SAMTOR: variants seen among roughly 807,000 people sequenced by gnomAD.
SAMTOR encodes the protein S-adenosylmethionine sensor upstream of mTORC1.
the SAMTOR span, among the ~76,000 whole-genome samples, chr7:112,888,527 A>G: frequency 6.6e-6 from 1 of 152,136 alleles, no homozygotes. Flanking sequence ...TCCAGTAATC[A>G]TGTTATACAC....
chr7:112,832,713 G>A, the SAMTOR span: 9 of 1,254,368 alleles, frequency 7.2e-6, no homozygotes, highest in African/African-American at 4.5e-5. Flanking sequence ...AATCAAATAT[G>A]AGAATGTAAG....
the SAMTOR span, among the ~76,000 whole-genome samples, chr7:112,895,267 C>T: frequency 2.0e-5 from 3 of 150,928 alleles, no homozygotes; most frequent in African/African-American, 7.3e-5. Context: ...CACATATAGC[C>T]ATAACATATA....
the SAMTOR span, among the ~76,000 whole-genome samples, chr7:112,834,297 C>G: frequency 6.6e-6 from 1 of 151,930 alleles, no homozygotes; most frequent in African/African-American, 2.4e-5. Context: ...AAAAAGTTCC[C>G]TCACATCTTT....
chr7:112,829,974 G>A, the SAMTOR span, among the ~76,000 whole-genome samples: 1 of 152,114 alleles, frequency 6.6e-6, no homozygotes, highest in Non-Finnish European at 1.5e-5. Flanking sequence ...ACTCAGCTGA[G>A]TATTCAAAGG....
At chr7:112,885,846 C>A in the SAMTOR span, among the ~76,000 whole-genome samples, 1 of 152,160 alleles carries the variant, frequency 6.6e-6, no homozygotes, top group Admixed American at 6.5e-5. Flanking sequence ...TATAGCAACA[C>A]CCCACTTTCT....
At chr7:112,831,365 A>T in the SAMTOR span, among the ~76,000 whole-genome samples, 1 of 152,218 alleles carries the variant, frequency 6.6e-6, no homozygotes, top group African/African-American at 2.4e-5. Flanking sequence ...GGTAAAAGAA[A>T]GTTCAAGGTG....
the SAMTOR span, among the ~76,000 whole-genome samples, chr7:112,929,422 C>A: frequency 2.0e-5 from 3 of 151,844 alleles, no homozygotes; most frequent in Admixed American, 2.0e-4. Flanking sequence ...TGGCTATTAT[C>A]AAAAAGACCA....
At chr7:112,856,425 T>C in the SAMTOR span, among the ~76,000 whole-genome samples, 3 of 151,964 alleles carry the variant, frequency 2.0e-5, no homozygotes, top group Non-Finnish European at 4.4e-5. Context: ...AATTTTTGTA[T>C]TTTTAGTAGA....
At chr7:112,902,462 C>CAAAAAAAAAAAAA in the SAMTOR span, among the ~76,000 whole-genome samples, 14 of 83,700 alleles carry the variant, frequency 1.7e-4, no homozygotes, top group East Asian at 8.6e-4. Context: ...AAAAAAAAAC[C>CAAAAAAAAAAAAA]AAAAAAGTTG....
At chr7:112,825,263 A>G in the SAMTOR span, among the ~76,000 whole-genome samples, 1 of 151,928 alleles carries the variant, frequency 6.6e-6, no homozygotes, top group Admixed American at 6.5e-5. Flanking sequence ...TTGGACTCCA[A>G]CAATCCACTT....
the SAMTOR span, among the ~76,000 whole-genome samples, chr7:112,897,394 G>A: frequency 1.3e-5 from 2 of 152,052 alleles, no homozygotes; most frequent in African/African-American, 4.8e-5. Context: ...TTTCTATCAG[G>A]TAGAACCATA....
the SAMTOR span, among the ~76,000 whole-genome samples, chr7:112,865,687 T>TTTTTTCATATATACATATA: frequency 1.9e-3 from 2 of 1,040 alleles, no homozygotes; most frequent in Non-Finnish European, 3.6e-3. Flanking sequence ...TTCATATATA[T>TTTTTTCATATATACATATA]TTCATATATA....
At chr7:112,876,040 A>T in the SAMTOR span, among the ~76,000 whole-genome samples, 1 of 152,166 alleles carries the variant, frequency 6.6e-6, no homozygotes, top group Admixed American at 6.5e-5. Flanking sequence ...AGCTCACCAC[A>T]GCCTCCGCCT....
the SAMTOR span, among the ~76,000 whole-genome samples, chr7:112,920,113 T>C: frequency 5.3e-5 from 8 of 152,300 alleles, no homozygotes; most frequent in East Asian, 1.2e-3. Context: ...GCCAGCATCA[T>C]CCTGATACCA....
At chr7:112,877,782 T>C in the SAMTOR span, among the ~76,000 whole-genome samples, 5 of 152,094 alleles carry the variant, frequency 3.3e-5, no homozygotes, top group Admixed American at 1.3e-4. Context: ...TGTGAGACCT[T>C]GTGAGACCTT....
the SAMTOR span, among the ~76,000 whole-genome samples, chr7:112,903,397 C>T: frequency 6.6e-6 from 1 of 150,670 alleles, no homozygotes; most frequent in African/African-American, 2.4e-5. Context: ...ACCAAAAAGG[C>T]TTCACAACTA....
the SAMTOR span, among the ~76,000 whole-genome samples, chr7:112,917,268 G>C: frequency 1.7e-4 from 26 of 152,292 alleles, no homozygotes; most frequent in Middle Eastern, 3.4e-3. Context: ...CCAGAGGAAC[G>C]ATCAGACAGC....
chr7:112,895,703 T>C, the SAMTOR span: 1 of 1,572,450 alleles, frequency 6.4e-7, no homozygotes, highest in Non-Finnish European at 8.7e-7. Context: ...CAAGTGCTTT[T>C]CTCTTCCCAC....
At chr7:112,842,374 T>G in the SAMTOR span, among the ~76,000 whole-genome samples, 2 of 151,984 alleles carry the variant, frequency 1.3e-5, no homozygotes, top group Non-Finnish European at 2.9e-5. Context: ...GATTCAATTC[T>G]ATAAGAGGAG....
Sources: gnomAD v4.1 joint callset for allele counts (sites outside exome capture counted in the v4.1 genomes callset) on GRCh38, gnomAD v4.1.1 for gene constraint, MANE v1.5 for transcripts, NCBI Gene and HGNC (gene_info 2026-07-23, HGNC 2026-07-21) for gene names.